The following IL2RA variants were observed in gnomAD, a reference collection of about 807,000 sequenced individuals.
IL2RA encodes interleukin-2 receptor subunit alpha.
In IL2RA, 24 loss-of-function variants were observed where a neutral mutation model predicts 37.8. The ratio of observed to expected loss-of-function variants is 0.63; its 90% CI spans 0.46 to 0.89. The LOEUF is 0.89. Among genes scored for constraint, IL2RA ranks in the 40% least tolerant of loss-of-function variants. The pLI is 0.00. For missense variants in IL2RA, 319 were observed against 348.6 expected (o/e 0.92, Z 0.68); for synonymous variants, 125 against 114.6 (o/e 1.09, Z -0.58).
intron 3 of IL2RA, 108 bp downstream of exon 3, chr10:6,024,136 G>T: frequency 1.3e-6 from 1 of 760,070 alleles, no homozygotes. Flanking sequence ...CCACATGCAT[G>T]TGTTTATAGA....
Position 6,019,441 on chromosome 10 carries a change from C to T in IL2RA, c.714G>A (p.Glu238=). The T allele has an allele frequency of 6.2e-7, 1 of 1,612,576 alleles. No homozygotes were observed. The change falls in exon 6 of 8, where the codon GAG becomes GAA. Residue 238 remains glutamate (E), a synonymous_variant. Coordinates refer to ENST00000379959, the MANE Select transcript of IL2RA (RefSeq NM_000417.3). The stretch of plus-strand genomic sequence containing the variant: ...TGCCCCACTCACCTGCTACCTGGTA[C>T]TCTGTTGTAAATATGGACGTCTCCA... ...ATMETSIFTT[E]YQVAVAGCVF... is the part of the protein sequence containing the mutation.
chr10:6,026,340 G>T (rs1839483536), intron 1 of IL2RA, among the ~76,000 whole-genome samples: 1 of 152,216 alleles, frequency 6.6e-6, no homozygotes, highest in Non-Finnish European at 1.5e-5. Context: ...GAGGGTCAAG[G>T]AATGTGAAGA....
intron 1 of IL2RA, among the ~76,000 whole-genome samples, chr10:6,043,224 G>A (rs1839799202): frequency 1.3e-5 from 2 of 152,128 alleles, no homozygotes; most frequent in Non-Finnish European, 2.9e-5. Context: ...ATGAATCTCA[G>A]AAACACTGCT....
rs1201094583 is a variant in IL2RA, at chr10:6,012,645, T to C, written c.*227A>G. The stretch of plus-strand genomic sequence containing the variant: ...CCTTCCTCTTCAACGGCGAAATTGC[T>C]ATTTAGAAGTGGGTAGCGCTCGCTC... On this transcript the variant is annotated 3_prime_UTR_variant, in exon 8 of 8. Transcript: ENST00000379959. This position sits in a 1 kb window ranked among gnomAD's most constrained non-coding sequence, Gnocchi z 4.8. The C allele has an allele frequency of 6.6e-6, 4 of 604,228 alleles. No individual in the cohort carries two copies. The Admixed American group carries it at 1.2e-4, about 18-fold the overall frequency. The allele number at this position is 604,228 out of a possible 1,614,324, so 37.4% of individuals were successfully genotyped here.
rs534415498 is a variant in IL2RA, at chr10:6,040,798, A to G, written c.65-14773T>C. 3.9e-5 allele frequency among the ~76,000 whole-genome samples: 6 copies of G among 152,352 alleles called. No homozygotes were observed. In the South Asian group the frequency reaches 1.2e-3, roughly 32 times the overall value. On this transcript the variant is annotated intron_variant, in intron 1 of 7. Coordinates refer to ENST00000379959, the MANE Select transcript of IL2RA (RefSeq NM_000417.3). ...GGCATACAATTGTTGGAAAAAGAGA[A>G]GATAAAAATAATCATTCTATGTGAG...
In IL2RA at chr10:6,047,006, G is replaced by A. The variant is rs935844360; in HGVS notation, c.64+15082C>T. Among the ~76,000 whole-genome samples, 2 of 152,154 alleles carry A rather than the reference G, an allele frequency of 1.3e-5. No homozygotes were observed. The highest frequency in any genetic ancestry group is 6.5e-5 in the Admixed American group (1 of 15,284). On this transcript the variant is annotated intron_variant, in intron 1 of 7. Coordinates refer to ENST00000379959, the MANE Select transcript of IL2RA (RefSeq NM_000417.3). The surrounding 1 kb of genome is among the most constrained non-coding windows in gnomAD (Gnocchi z 5.0). ...GCTGAGAAGATCCTGCTTTTTACTC[G>A]GGTGTGGGACAAGTAGTTATGAAGC...
At chr10:6,040,526 T>C (rs1839755304) in intron 1 of IL2RA, among the ~76,000 whole-genome samples, 1 of 152,234 alleles carries the variant, frequency 6.6e-6, no homozygotes, top group Non-Finnish European at 1.5e-5. Context: ...AACTACCTTA[T>C]ATACGAATAC....
chr10:6,031,045 A>G (rs1839566673), intron 1 of IL2RA, among the ~76,000 whole-genome samples: 1 of 152,096 alleles, frequency 6.6e-6, no homozygotes, highest in Admixed American at 6.5e-5. Flanking sequence ...AAAAGGAAGA[A>G]TAGAGTAATA....
intron 1 of IL2RA, among the ~76,000 whole-genome samples, chr10:6,052,796 T>C (rs1384924050): frequency 6.6e-6 from 1 of 152,178 alleles, no homozygotes; most frequent in Non-Finnish European, 1.5e-5. Context: ...AATTCCTGAA[T>C]GTGGTATGGT....
Position 6,020,343 on chromosome 10 carries a change from A to C in IL2RA, c.584-402T>G, listed in dbSNP as rs1170334113. 6.6e-6 allele frequency among the ~76,000 whole-genome samples: 1 copy of C among 152,098 alleles called. No homozygotes were observed. The highest frequency in any genetic ancestry group is 1.5e-5 in the Non-Finnish European group (1 of 68,008). On this transcript the variant is annotated intron_variant, in intron 4 of 7. Coordinates refer to ENST00000379959, the MANE Select transcript of IL2RA (RefSeq NM_000417.3). The surrounding 1 kb of genome is among the most constrained non-coding windows in gnomAD (Gnocchi z 5.6). ...TGTGCCAGGCTCTCCACTTCTCCTGAGGGGTCAGCAACCCTGGCTCTGCCC... is the reference window on the plus strand; with the variant it reads ...TGTGCCAGGCTCTCCACTTCTCCTGCGGGGTCAGCAACCCTGGCTCTGCCC...
In IL2RA at chr10:6,059,379, T is replaced by C. The variant is rs562040711; in HGVS notation, c.64+2709A>G. Among the ~76,000 whole-genome samples, 15 of 152,330 alleles carry C rather than the reference T, an allele frequency of 9.8e-5. No individual in the cohort carries two copies. The East Asian group carries it at 2.7e-3, about 27-fold the overall frequency. On this transcript the variant is annotated intron_variant, in intron 1 of 7. Transcript: ENST00000379959. ...GTCTGAGTTTTGGGTTCTTGCTTCA[T>C]CTAGGGGTTCATGATATCCATACTG...
Position 6,028,535 on chromosome 10 carries a change from T to C in IL2RA, c.65-2510A>G, listed in dbSNP as rs909749575. Among the ~76,000 whole-genome samples, 5 of 152,232 alleles carry C rather than the reference T, an allele frequency of 3.3e-5. No homozygotes were observed. The highest frequency in any genetic ancestry group is 1.2e-4 in the African/African-American group (5 of 41,466). ...TAGACAAGAGGATGCGCTAGTCATT[T>C]AACTGCCTGGCAGAGCAAAATGCAT... On this transcript the variant is annotated intron_variant, in intron 1 of 7. Coordinates refer to ENST00000379959, the MANE Select transcript of IL2RA (RefSeq NM_000417.3). The surrounding 1 kb of genome is among the most constrained non-coding windows in gnomAD (Gnocchi z 4.1).
At chr10:6,059,965 A>G (rs891986925) in intron 1 of IL2RA, among the ~76,000 whole-genome samples, 1 of 152,040 alleles carries the variant, frequency 6.6e-6, no homozygotes, top group Non-Finnish European at 1.5e-5. Context: ...TGAGGGGCAG[A>G]TGGGGTATGG....
In IL2RA at chr10:6,047,257, C is replaced by T. The variant is rs1282035331; in HGVS notation, c.64+14831G>A. Among the ~76,000 whole-genome samples, 2 of 152,230 alleles carry T rather than the reference C, an allele frequency of 1.3e-5. No homozygotes were observed. Among genetic ancestry groups the T allele is most frequent in the East Asian group, 3.9e-4 (2 of 5,194 alleles). On this transcript the variant is annotated intron_variant, in intron 1 of 7. Coordinates refer to ENST00000379959, the MANE Select transcript of IL2RA (RefSeq NM_000417.3). This position sits in a 1 kb window ranked among gnomAD's most constrained non-coding sequence, Gnocchi z 5.0. The stretch of plus-strand genomic sequence containing the variant: ...CCATGCCAACAGCACTCCATCCCGA[C>T]CTCATACCATGTGCACAGCACCTGA...
In IL2RA at chr10:6,020,929, GTA is replaced by G. The variant is rs1396006014; in HGVS notation, c.583+547_583+548del. On this transcript the variant is annotated intron_variant, in intron 4 of 7. Transcript: ENST00000379959. The surrounding 1 kb of genome is among the most constrained non-coding windows in gnomAD (Gnocchi z 5.6). ...ATCGGTGGGCTGAGCATTTGCATGA[GTA>G]TGTGTGTGTGTGTGTGTGTGTGCGC... 8.7e-6 allele frequency among the ~76,000 whole-genome samples: 1 copy of G among 114,932 alleles called. No individual in the cohort carries two copies. The highest frequency in any genetic ancestry group is 3.2e-5 in the African/African-American group (1 of 31,574). The allele number at this position is 114,932 out of a possible 152,430, so 75.4% of individuals were successfully genotyped here.
rs1839376309 is a variant in IL2RA at position 6,020,961 on chromosome 10, G to C, written c.583+517C>G. Among the ~76,000 whole-genome samples, 1 of 145,486 alleles carries C rather than the reference G, an allele frequency of 6.9e-6. No individual in the cohort carries two copies. Among genetic ancestry groups the C allele is most frequent in the Non-Finnish European group, 1.5e-5 (1 of 65,476 alleles). ...TGTGTGTGTGTGTGTGTGCGCGCAT[G>C]TGCACTGAGTAAGTCCCGACTCTGC... is the stretch of plus-strand genomic sequence containing the variant. On this transcript the variant is annotated intron_variant, in intron 4 of 7. Coordinates refer to ENST00000379959, the MANE Select transcript of IL2RA (RefSeq NM_000417.3). This position sits in a 1 kb window ranked among gnomAD's most constrained non-coding sequence, Gnocchi z 5.6.
In IL2RA at chr10:6,062,250, AT is replaced by A; in HGVS notation, c.-100del. 9.9e-7 allele frequency: 1 copy of A among 1,014,582 alleles called. No homozygotes were observed. The highest frequency in any genetic ancestry group is 2.5e-5 in the East Asian group (1 of 40,766). 62.8% of individuals were successfully genotyped at this position (1,014,582 alleles called of 1,614,324 possible). On this transcript the variant is annotated 5_prime_UTR_variant, in exon 1 of 8. Coordinates refer to ENST00000379959, the MANE Select transcript of IL2RA (RefSeq NM_000417.3). ...CCTCTTTTTGGCATCGCGCCGGAGG[AT>A]GTGGGATGGGAAGATCGGTCCGCCT...
At chr10:6,061,090 C>T (rs1321265694) in intron 1 of IL2RA, among the ~76,000 whole-genome samples, 2 of 151,910 alleles carry the variant, frequency 1.3e-5, no homozygotes, top group African/African-American at 4.8e-5. Context: ...TTTTTTATTT[C>T]TTTAAAAAAA....
rs1840083692 is a variant in IL2RA at position 6,058,704 on chromosome 10, A to AC, written c.64+3383_64+3384insG. 6.6e-6 allele frequency among the ~76,000 whole-genome samples: 1 copy of AC among 152,178 alleles called. No individual in the cohort carries two copies. The highest frequency in any genetic ancestry group is 6.5e-5 in the Admixed American group (1 of 15,278). ...AAAGAATTATTTTTGAGTCTAGAGG[A>AC]TAAAGATTTGATCACAGAATTCCTA... is the stretch of plus-strand genomic sequence containing the variant. On this transcript the variant is annotated intron_variant, in intron 1 of 7. Coordinates refer to ENST00000379959, the MANE Select transcript of IL2RA (RefSeq NM_000417.3). This position sits in a 1 kb window ranked among gnomAD's most constrained non-coding sequence, Gnocchi z 4.2.
Sources: gnomAD v4.1 joint callset for allele counts (sites outside exome capture counted in the v4.1 genomes callset) on GRCh38, gnomAD v4.1.1 for gene constraint, Gnocchi (gnomAD v3.1) non-coding constraint, MANE v1.5 for transcripts, NCBI Gene and HGNC (gene_info 2026-07-23, HGNC 2026-07-21) for gene names.